B4GALNT3: variants seen among roughly 807,000 people sequenced by gnomAD.
The protein encoded by B4GALNT3 is beta-1,4-N-acetylgalactosaminyltransferase 3.
Under a neutral mutation model 120.2 loss-of-function variants are expected in B4GALNT3, and 86 were observed. The observed-to-expected ratio is 0.72, with a 90% confidence interval of 0.60 to 0.86. B4GALNT3 has a LOEUF of 0.86. Among genes scored for constraint, B4GALNT3 ranks in the 40% least tolerant of loss-of-function variants. B4GALNT3 has a pLI of 0.00. For synonymous variants in B4GALNT3, 518 were observed against 510.4 expected, an observed-to-expected ratio of 1.01 and a Z score of -0.20; for missense variants, 1,167 against 1,298.9, an observed-to-expected ratio of 0.90 and a Z score of 1.56.
rs1179003735 is a variant in B4GALNT3, at chr12:550,824, G to A, written c.998-98G>A. 1.8e-5 allele frequency: 18 copies of A among 979,848 alleles called. No individual in the cohort carries two copies. The highest frequency in any genetic ancestry group is 1.4e-4 in the Admixed American group (6 of 43,208). 60.7% of individuals were successfully genotyped at this position (979,848 alleles called of 1,614,324 possible). A position where few individuals can be genotyped will look rare whatever the true frequency, so the allele number is the denominator to read the frequency against. On this transcript the variant is annotated intron_variant, in intron 10 of 19. Transcript: ENST00000266383. The surrounding 1 kb of genome is among the most constrained non-coding windows in gnomAD (Gnocchi z 4.1). ...CAGACGTCGGCAGAACACAGCTGCC[G>A]CTTGCGAATACAGAAAGGGCCCTGC...
chr12:543,488 G>A (rs1222781577), intron 3 of B4GALNT3, among the ~76,000 whole-genome samples: 4 of 92,456 alleles, frequency 4.3e-5, no homozygotes, highest in Non-Finnish European at 8.8e-5. Context: ...TGAGGAGCTG[G>A]GACGGGCATG....
At chr12:547,563 C>T (rs186017285) in intron 7 of B4GALNT3, among the ~76,000 whole-genome samples, 17 of 152,110 alleles carry the variant, frequency 1.1e-4, no homozygotes, top group African/African-American at 3.4e-4. Context: ...GTGGGTACGC[C>T]GTGTGCAGCT....
intron 19 of B4GALNT3, 125 bp from the exon 20 acceptor site, chr12:561,218 G>A: frequency 1.5e-6 from 1 of 679,708 alleles, no homozygotes; most frequent in Non-Finnish European, 2.6e-6. Context: ...AAAGCCCACA[G>A]CCGTCCACTG....
chr12:501,946 T>A (rs1946448107), intron 1 of B4GALNT3, among the ~76,000 whole-genome samples: 1 of 152,138 alleles, frequency 6.6e-6, no homozygotes, highest in Non-Finnish European at 1.5e-5. Flanking sequence ...TGGATTCACG[T>A]GAATCCATGA....
chr12:515,915 A>G (rs1592036092), intron 1 of B4GALNT3, among the ~76,000 whole-genome samples: 1 of 152,130 alleles, frequency 6.6e-6, no homozygotes, highest in East Asian at 1.9e-4. Flanking sequence ...AGACTGGTGG[A>G]TCACGAGGTC....
intron 1 of B4GALNT3, among the ~76,000 whole-genome samples, chr12:475,586 T>C (rs1203216365): frequency 1.3e-5 from 2 of 152,108 alleles, no homozygotes; most frequent in African/African-American, 4.8e-5. Context: ...TGCCTGCTGT[T>C]TTCCAGTCTC....
chr12:521,957 C>T (rs1301810642), intron 1 of B4GALNT3, among the ~76,000 whole-genome samples: 1 of 142,306 alleles, frequency 7.0e-6, no homozygotes, highest in Non-Finnish European at 1.5e-5. Context: ...ACTCCAGGCC[C>T]GCTCAGAAGT....
At chr12:545,708 ATGGGGAGGAGCGAGGTG>A (rs1946990231) in intron 6 of B4GALNT3, among the ~76,000 whole-genome samples, 1 of 93,884 alleles carries the variant, frequency 1.1e-5, no homozygotes, top group Non-Finnish European at 2.0e-5. Flanking sequence ...GGAGTGAGGA[ATGGGGAGGAGCGAGGTG>A]TGGGGAGGAG....
intron 1 of B4GALNT3, among the ~76,000 whole-genome samples, chr12:512,084 GACCTTCC>G (rs1348982865): frequency 2.3e-3 from 101 of 44,270 alleles, no homozygotes; most frequent in East Asian, 0.018. Context: ...TTCCACCTTC[GACCTTCC>G]ACCTTCCACC....
At chr12:555,261 T>A (rs1176144893) in intron 14 of B4GALNT3, 1 of 443,430 alleles carries the variant, frequency 2.3e-6, no homozygotes, top group Non-Finnish European at 4.6e-6. Context: ...CCCCCAGTAG[T>A]GTCTGGCAAT....
At chr12:527,169 C>G (rs889833819) in intron 1 of B4GALNT3, among the ~76,000 whole-genome samples, 1 of 152,170 alleles carries the variant, frequency 6.6e-6, no homozygotes, top group Non-Finnish European at 1.5e-5. Flanking sequence ...CTCGAGCAAT[C>G]CTTCACCCTC....
At chr12:555,100 C>T (rs867447300) in intron 14 of B4GALNT3, among the ~76,000 whole-genome samples, 2 of 151,868 alleles carry the variant, frequency 1.3e-5, no homozygotes, top group Middle Eastern at 3.2e-3. Flanking sequence ...ATCACTTGAA[C>T]CCGGGAGGTG....
In B4GALNT3 at chr12:480,430, G is replaced by A. The variant is rs946394406; in HGVS notation, c.169+19885G>A. On this transcript the variant is annotated intron_variant, in intron 1 of 19. Coordinates refer to ENST00000266383, the MANE Select transcript of B4GALNT3 (RefSeq NM_173593.4). ...TTTCCGTAAACACGGAAGGCTTGAC[G>A]GTGTGGTTCCTGAGGTCCCTCTGAC... Among the ~76,000 whole-genome samples, 90 of 149,910 alleles carry A rather than the reference G, an allele frequency of 6.0e-4. 3 individuals carry two copies. Among genetic ancestry groups the A allele is most frequent in the African/African-American group, 2.1e-3 (86 of 40,040 alleles).
At chr12:512,192 C>T (rs866305278) in intron 1 of B4GALNT3, among the ~76,000 whole-genome samples, 13 of 79,248 alleles carry the variant, frequency 1.6e-4, no homozygotes, top group Non-Finnish European at 1.5e-4. Context: ...TTCCACCTTC[C>T]GCCTTCCACC....
intron 1 of B4GALNT3, among the ~76,000 whole-genome samples, chr12:508,428 T>G (rs891434419): frequency 1.4e-4 from 22 of 152,138 alleles, no homozygotes; most frequent in African/African-American, 5.3e-4. Flanking sequence ...TACAGGTGTG[T>G]GCCACCATGC....
intron 1 of B4GALNT3, among the ~76,000 whole-genome samples, chr12:505,486 G>T (rs1246459962): frequency 6.6e-6 from 1 of 152,184 alleles, no homozygotes; most frequent in Non-Finnish European, 1.5e-5. Context: ...TTTGAACCCT[G>T]ATCCATCTTG....
intron 18 of B4GALNT3, 109 bp from the exon 19 acceptor site, chr12:559,186 C>T (rs202040484): frequency 0.03 from 44,316 of 1,467,624 alleles, 1,817 homozygotes; most frequent in East Asian, 0.17. Flanking sequence ...CTCCCTCAAC[C>T]CCAGCCTCTG....
At chr12:485,170 G>A (rs1468667868) in intron 1 of B4GALNT3, among the ~76,000 whole-genome samples, 1 of 152,112 alleles carries the variant, frequency 6.6e-6, no homozygotes, top group African/African-American at 2.4e-5. Flanking sequence ...AGATGATGAG[G>A]GAGGATGAAG....
rs201901859 is a variant in B4GALNT3, at chr12:544,886, G to T, written c.452G>T (p.Arg151Leu). ...CCTTCCCCTTTCTTGGCATAGATTCGCACAACCCTGAGGAAGCTTGCTGTG... is the reference window on the plus strand; with the variant it reads ...CCTTCCCCTTTCTTGGCATAGATTCTCACAACCCTGAGGAAGCTTGCTGTG... ...NLHFPLYPHI[R>L]TTLRKLAVSP... The change falls in exon 5 of 20, where the codon CGC (arginine) becomes CTC (leucine). Residue 151 changes from arginine (R) to leucine (L), a missense_variant. Physicochemically the swap from Arg to Leu is moderately radical, Grantham distance 102. Coordinates refer to ENST00000266383, the MANE Select transcript of B4GALNT3 (RefSeq NM_173593.4). The T allele has an allele frequency of 6.2e-7, 1 of 1,613,512 alleles. No individual in the cohort carries two copies. Among genetic ancestry groups the T allele is most frequent in the South Asian group, 1.1e-5 (1 of 91,070 alleles).
Sources: allele counts gnomAD v4.1 joint callset (sites outside exome capture counted in the v4.1 genomes callset), GRCh38; gene constraint gnomAD v4.1.1; non-coding constraint Gnocchi (gnomAD v3.1); transcripts MANE v1.5; gene names NCBI Gene and HGNC (gene_info 2026-07-23, HGNC 2026-07-21).